The following STK31 variants were observed in gnomAD, a reference collection of about 807,000 sequenced individuals.
STK31 encodes the protein serine/threonine-protein kinase 31.
STK31 carries 89 observed loss-of-function variants against 129.7 expected under a neutral mutation model. The ratio of observed to expected loss-of-function variants is 0.69; its 90% confidence interval spans 0.58 to 0.82. The LOEUF is 0.82. STK31 is among the 40% of genes least tolerant of loss of function. The probability of loss-of-function intolerance (pLI) is 0.00; values close to 1 mark genes in which losing one functional copy is unlikely to be tolerated. For synonymous variants in STK31, 448 were observed against 395.3 expected (o/e 1.13, Z -1.58); for missense variants, 1,187 against 1,176.4 (o/e 1.01, Z -0.13).
chr7:23,747,574 T>C (rs1788438417), intron 8 of STK31, among the ~76,000 whole-genome samples: 1 of 151,820 alleles, frequency 6.6e-6, no homozygotes, highest in African/African-American at 2.4e-5. Context: ...TTCACTATGT[T>C]AGCCAGGATG....
chr7:23,824,406 T>A (rs1793980846), intron 23 of STK31, among the ~76,000 whole-genome samples: 1 of 152,210 alleles, frequency 6.6e-6, no homozygotes, highest in Non-Finnish European at 1.5e-5. Context: ...GTTTGTTTGT[T>A]ATTGGTGTAT....
chr7:23,730,285 G>A (rs1156339074), intron 6 of STK31, among the ~76,000 whole-genome samples: 1 of 152,172 alleles, frequency 6.6e-6, no homozygotes, highest in African/African-American at 2.4e-5. Flanking sequence ...GCATTATAAA[G>A]AAATTAATTA....
chr7:23,746,599 A>G (rs1412535441), intron 8 of STK31, among the ~76,000 whole-genome samples: 3 of 152,196 alleles, frequency 2.0e-5, no homozygotes, highest in South Asian at 2.1e-4. Context: ...TTTGTGTGTT[A>G]TATTTATTGT....
Position 23,737,123 on chromosome 7 carries a change from T to C in STK31, c.1017+45T>C, listed in dbSNP as rs767499084. ...GTGAAGAGTGTCCAACTGGGAAATC[T>C]GTGTACTCATCTGCTGCTATTTATT... On this transcript the variant is annotated intron_variant, in intron 8 of 23. Coordinates refer to ENST00000355870, the MANE Select transcript of STK31 (RefSeq NM_031414.5). 2.7e-6 allele frequency: 4 copies of C among 1,469,026 alleles called. No homozygotes were observed. The Admixed American group carries it at 9.1e-5, about 33-fold the overall frequency. 91.0% of individuals were successfully genotyped at this position (1,469,026 alleles called of 1,614,324 possible). A position where few individuals can be genotyped will look rare whatever the true frequency, so the allele number is the denominator to read the frequency against.
chr7:23,756,365 G>A (rs1789084655), intron 10 of STK31, among the ~76,000 whole-genome samples: 1 of 152,190 alleles, frequency 6.6e-6, no homozygotes, highest in African/African-American at 2.4e-5. Flanking sequence ...AGACTTTGCT[G>A]CAGTTGCCTA....
At chr7:23,782,749 G>A (rs1791016358) in intron 16 of STK31, among the ~76,000 whole-genome samples, 1 of 151,810 alleles carries the variant, frequency 6.6e-6, no homozygotes, top group African/African-American at 2.4e-5. Context: ...TTTCTCTTAG[G>A]CTTTAAAAAT....
At chr7:23,764,842 T>TA (rs1482760035) in intron 11 of STK31, among the ~76,000 whole-genome samples, 1 of 152,162 alleles carries the variant, frequency 6.6e-6, no homozygotes, top group Non-Finnish European at 1.5e-5. Flanking sequence ...GACACATGTT[T>TA]ACCTATGTAA....
At chr7:23,722,943 T>C (rs1786815051) in intron 4 of STK31, 1 of 152,128 alleles carries the variant, frequency 6.6e-6, no homozygotes, top group Non-Finnish European at 1.5e-5. Flanking sequence ...AAAAGTGCAG[T>C]ATTAGGGTGA....
chr7:23,785,359 T>A (rs550922295), intron 17 of STK31, 119 bp from the exon 18 acceptor site: 1 of 1,381,336 alleles, frequency 7.2e-7, no homozygotes, highest in African/African-American at 1.4e-5. Context: ...ATTTTGTTGG[T>A]TTTTCCAGTA....
intron 3 of STK31, among the ~76,000 whole-genome samples, chr7:23,713,060 G>A (rs1786077240): frequency 6.6e-6 from 1 of 152,138 alleles, no homozygotes. Flanking sequence ...ATATAGTCAT[G>A]CATCACTTAA....
At chr7:23,783,446 T>C (rs575972548) in intron 16 of STK31, 137 bp from the exon 17 acceptor site, 21 of 543,838 alleles carry the variant, frequency 3.9e-5, no homozygotes, top group Non-Finnish European at 2.7e-5. Context: ...TTTCTTGAAG[T>C]AGAAGGCAAA....
At chr7:23,791,612 C>A (rs868167611) in intron 22 of STK31, among the ~76,000 whole-genome samples, 1 of 152,122 alleles carries the variant, frequency 6.6e-6, no homozygotes, top group African/African-American at 2.4e-5. Flanking sequence ...CCCCTTGAAC[C>A]TAAAATAAAA....
chr7:23,785,844 TGGGGTGG>T lies in STK31; in HGVS notation c.2274+246_2274+252del, dbSNP rs1160889705. Among the ~76,000 whole-genome samples, 7 of 40,776 alleles carry T rather than the reference TGGGGTGG, an allele frequency of 1.7e-4. No homozygotes were observed. The East Asian group carries it at 4.1e-3, about 24-fold the overall frequency. The allele number at this position is 40,776 out of a possible 152,430, so 26.8% of individuals were successfully genotyped here. A position where few individuals can be genotyped will look rare whatever the true frequency, so the allele number is the denominator to read the frequency against. ...GAACATCACCCGTGGGGGCCTGTCA[TGGGGTGG>T]GGGGCAGGGGGAGGGATAGCATTAG... On this transcript the variant is annotated intron_variant, in intron 18 of 23. Coordinates refer to ENST00000355870, the MANE Select transcript of STK31 (RefSeq NM_031414.5).
intron 22 of STK31, among the ~76,000 whole-genome samples, chr7:23,810,087 A>G (rs1792991289): frequency 6.6e-6 from 1 of 152,152 alleles, no homozygotes; most frequent in Admixed American, 6.5e-5. Context: ...CATCTTGTAT[A>G]ATATGTACAT....
chr7:23,766,775 AT>A (rs1018268263), intron 11 of STK31, among the ~76,000 whole-genome samples: 1 of 151,708 alleles, frequency 6.6e-6, no homozygotes, highest in Non-Finnish European at 1.5e-5. Flanking sequence ...TCCCCCATTA[AT>A]TTTTTCTCTT....
chr7:23,739,367 A>G (rs529856052), intron 8 of STK31, among the ~76,000 whole-genome samples: 2 of 152,172 alleles, frequency 1.3e-5, no homozygotes, highest in Non-Finnish European at 2.9e-5. Context: ...TAGATTCTGG[A>G]TATTAGCCCT....
chr7:23,770,491 A>T (rs1402947391), intron 13 of STK31, among the ~76,000 whole-genome samples: 1 of 152,150 alleles, frequency 6.6e-6, no homozygotes, highest in African/African-American at 2.4e-5. Context: ...AAAGTGTTGA[A>T]GGTCTATATA....
chr7:23,785,840 G>C (rs528165925), intron 18 of STK31, among the ~76,000 whole-genome samples: 1 of 144,254 alleles, frequency 6.9e-6, no homozygotes, highest in East Asian at 2.1e-4. Flanking sequence ...GTGGGGGCCT[G>C]TCATGGGGTG....
At chr7:23,782,084 A>C (rs1790964407) in intron 16 of STK31, among the ~76,000 whole-genome samples, 2 of 152,206 alleles carry the variant, frequency 1.3e-5, no homozygotes, top group South Asian at 4.1e-4. Context: ...TGGGAAAATA[A>C]GTCATTGTAT....
Sources: allele counts gnomAD v4.1 joint callset (sites outside exome capture counted in the v4.1 genomes callset), GRCh38; gene constraint gnomAD v4.1.1; transcripts MANE v1.5; gene names NCBI Gene and HGNC (gene_info 2026-07-23, HGNC 2026-07-21).